The following IFT80 variants were observed in gnomAD, a reference collection of about 807,000 sequenced individuals.
IFT80 encodes the protein intraflagellar transport 80, also known as intraflagellar transport protein 80 homolog.
A neutral mutation model predicts 107.9 loss-of-function variants in IFT80; 79 were observed. The observed-to-expected ratio is 0.73, with a 90% CI of 0.61 to 0.88. IFT80 has a LOEUF of 0.88. Among genes scored for constraint, IFT80 ranks in the 40% least tolerant of loss-of-function variants. The probability of loss-of-function intolerance (pLI) is 0.00; values close to 1 mark genes in which losing one functional copy is unlikely to be tolerated. For synonymous variants in IFT80, 299 were observed against 300.9 expected, an observed-to-expected ratio of 0.99 and a Z score of 0.07; for missense variants, 797 against 914.2, an observed-to-expected ratio of 0.87 and a Z score of 1.65.
intron 3 of IFT80, among the ~76,000 whole-genome samples, chr3:160,379,349 C>T (rs1277667198): frequency 6.6e-6 from 1 of 152,074 alleles, no homozygotes; most frequent in Non-Finnish European, 1.5e-5. Context: ...AAATAAACTT[C>T]TATGGAAAAT....
chr3:160,263,227 C>T (rs1413804064), intron 19 of IFT80, among the ~76,000 whole-genome samples: 1 of 152,108 alleles, frequency 6.6e-6, no homozygotes, highest in Non-Finnish European at 1.5e-5. Flanking sequence ...CACCCCCAGT[C>T]ACCACAACTG....
chr3:160,352,470 T>C (rs1354572256), intron 8 of IFT80, among the ~76,000 whole-genome samples: 1 of 152,194 alleles, frequency 6.6e-6, no homozygotes, highest in African/African-American at 2.4e-5. Flanking sequence ...AGACTAAGCA[T>C]TGCCCATTTC....
At chr3:160,270,339 T>C (rs1033699033) in intron 18 of IFT80, among the ~76,000 whole-genome samples, 1 of 152,228 alleles carries the variant, frequency 6.6e-6, no homozygotes, top group Non-Finnish European at 1.5e-5. Flanking sequence ...ATAGTCACTT[T>C]AAAAAGTATT....
At chr3:160,370,480 A>G (rs1400984147) in intron 5 of IFT80, among the ~76,000 whole-genome samples, 3 of 152,146 alleles carry the variant, frequency 2.0e-5, no homozygotes, top group Admixed American at 6.6e-5. Context: ...TAGTTAATCA[A>G]GTGGGATTTA....
At chr3:160,352,072 G>A (rs979422894) in intron 8 of IFT80, among the ~76,000 whole-genome samples, 5 of 150,986 alleles carry the variant, frequency 3.3e-5, no homozygotes, top group African/African-American at 1.2e-4. Context: ...CTGGAGTGCA[G>A]TGGTGCGATC....
intron 8 of IFT80, among the ~76,000 whole-genome samples, chr3:160,322,353 A>G (rs1718301542): frequency 1.3e-5 from 2 of 151,838 alleles, no homozygotes; most frequent in East Asian, 3.9e-4. Flanking sequence ...TGTCCCTACA[A>G]AGGACATGAA....
At chr3:160,378,735 TA>T (rs1368856419) in intron 3 of IFT80, among the ~76,000 whole-genome samples, 1 of 151,452 alleles carries the variant, frequency 6.6e-6, no homozygotes, top group Admixed American at 6.6e-5. Flanking sequence ...AAAATGATAA[TA>T]ATAATATATT....
intron 8 of IFT80, among the ~76,000 whole-genome samples, chr3:160,341,000 A>G (rs1251684947): frequency 6.8e-6 from 1 of 147,918 alleles, no homozygotes; most frequent in Non-Finnish European, 1.5e-5. Context: ...AACACATAAA[A>G]TGATATTTTT....
At chr3:160,344,348 C>T (rs770090780) in intron 8 of IFT80, among the ~76,000 whole-genome samples, 1 of 151,884 alleles carries the variant, frequency 6.6e-6, no homozygotes, top group East Asian at 1.9e-4. Context: ...TAGTCTTTGT[C>T]CAGTCTCTTC....
intron 12 of IFT80, among the ~76,000 whole-genome samples, chr3:160,286,534 T>G (rs1359938129): frequency 1.3e-5 from 2 of 152,296 alleles, no homozygotes; most frequent in African/African-American, 4.8e-5. Flanking sequence ...TCTGCCCAGG[T>G]GTGTTGACAG....
At chr3:160,283,658 A>G (rs1359630828) in intron 13 of IFT80, among the ~76,000 whole-genome samples, 1 of 152,242 alleles carries the variant, frequency 6.6e-6, no homozygotes, top group African/African-American at 2.4e-5. Context: ...TTTACAATAA[A>G]GAATTGCTTA....
chr3:160,295,430 C>A (rs931307437), intron 12 of IFT80, among the ~76,000 whole-genome samples: 10 of 151,996 alleles, frequency 6.6e-5, no homozygotes, highest in Non-Finnish European at 1.3e-4. Context: ...CATAGTGAGC[C>A]ATTGTCTCTA....
At chr3:160,397,382 C>T (rs1423414799) in intron 1 of IFT80, among the ~76,000 whole-genome samples, 1 of 152,152 alleles carries the variant, frequency 6.6e-6, no homozygotes, top group Non-Finnish European at 1.5e-5. Context: ...ATCTAACATC[C>T]TTGACTTGGT....
intron 18 of IFT80, among the ~76,000 whole-genome samples, chr3:160,269,378 T>A (rs950413437): frequency 2.0e-5 from 3 of 152,192 alleles, no homozygotes; most frequent in African/African-American, 7.2e-5. Flanking sequence ...ATTATTACTA[T>A]AGCAAATTAA....
At position 160,308,163 on chromosome 3, in the gene IFT80, T is replaced by C. The variant is rs559320559; in HGVS notation, c.958-382A>G. 2.8e-4 allele frequency among the ~76,000 whole-genome samples: 42 copies of C among 152,316 alleles called. No individual in the cohort carries two copies. The South Asian group carries it at 6.0e-3, about 22-fold the overall frequency. The stretch of plus-strand genomic sequence containing the variant: ...CTGCCCAAAATGGTAAGAATATCTC[T>C]TTTTGGTGTTAGATTTTACTTTAAA... On this transcript the variant is annotated intron_variant, in intron 9 of 19. Coordinates refer to ENST00000326448, the MANE Select transcript of IFT80 (RefSeq NM_020800.3).
intron 8 of IFT80, among the ~76,000 whole-genome samples, chr3:160,321,300 T>C (rs1718194413): frequency 6.6e-6 from 1 of 151,968 alleles, no homozygotes; most frequent in African/African-American, 2.4e-5. Context: ...TTATGAAACA[T>C]TACATGAATA....
At chr3:160,293,251 TGAATG>T (rs745611364) in intron 12 of IFT80, among the ~76,000 whole-genome samples, 12 of 152,220 alleles carry the variant, frequency 7.9e-5, no homozygotes, top group African/African-American at 2.4e-4. Context: ...TTGACAAACT[TGAATG>T]GAATCCTATA....
At chr3:160,359,265 A>G (rs1721320607) in intron 6 of IFT80, among the ~76,000 whole-genome samples, 1 of 152,192 alleles carries the variant, frequency 6.6e-6, no homozygotes, top group Non-Finnish European at 1.5e-5. Context: ...CAGAGGTTCT[A>G]CTGAACCACT....
chr3:160,353,865 T>C (rs1720880433), intron 8 of IFT80, among the ~76,000 whole-genome samples: 1 of 152,210 alleles, frequency 6.6e-6, no homozygotes, highest in South Asian at 2.1e-4. Context: ...ATTTAATGTC[T>C]ATTAAATAAA....
Sources: gnomAD v4.1 joint callset for allele counts (sites outside exome capture counted in the v4.1 genomes callset) on GRCh38, gnomAD v4.1.1 for gene constraint, MANE v1.5 for transcripts, NCBI Gene and HGNC (gene_info 2026-07-23, HGNC 2026-07-21) for gene names.